PITPNB: variants seen among roughly 807,000 people sequenced by gnomAD.
The protein encoded by PITPNB is phosphatidylinositol transfer protein beta.
A neutral mutation model predicts 45.9 loss-of-function variants in PITPNB; 16 were observed. That is an observed-to-expected ratio of 0.35 (90% CI 0.24 to 0.53). The LOEUF (loss-of-function observed/expected upper bound fraction) is 0.53. Ranked by LOEUF, PITPNB falls within the 20% of genes least tolerant of loss-of-function variation. PITPNB has a pLI of 0.93. For missense variants in PITPNB, 188 were observed against 330.5 expected (o/e 0.57, Z 3.34); for synonymous variants, 112 against 108.9 (o/e 1.03, Z -0.18).
intron 3 of PITPNB, among the ~76,000 whole-genome samples, chr22:27,905,971 GT>G (rs774613370): frequency 3.1e-4 from 47 of 152,234 alleles, no homozygotes; most frequent in Non-Finnish European, 5.1e-4. Context: ...CTACTACTAA[GT>G]TATTATCAAA....
intron 10 of PITPNB, among the ~76,000 whole-genome samples, chr22:27,856,702 A>G (rs200780655): frequency 0.049 from 7,513 of 152,258 alleles, 296 homozygotes; most frequent in South Asian, 0.12. Flanking sequence ...AAATCCTTGT[A>G]GGAAATGCCA....
chr22:27,909,259 G>A (rs1935851166), intron 3 of PITPNB, among the ~76,000 whole-genome samples: 1 of 141,954 alleles, frequency 7.0e-6, no homozygotes, highest in Admixed American at 7.6e-5. Context: ...TGGAGATGAG[G>A]TCCCACTATA....
At chr22:27,854,766 C>G in intron 11 of PITPNB, 88 bp downstream of exon 11, 1 of 643,178 alleles carries the variant, frequency 1.6e-6, no homozygotes, top group Middle Eastern at 2.5e-4. Context: ...CCACATTTAA[C>G]ACTTAGAGCT....
intron 3 of PITPNB, among the ~76,000 whole-genome samples, chr22:27,906,423 A>C (rs922302662): frequency 2.0e-5 from 3 of 152,200 alleles, no homozygotes; most frequent in African/African-American, 7.2e-5. Flanking sequence ...TTTTTCTCTA[A>C]ACTCCCAAGG....
intron 7 of PITPNB, among the ~76,000 whole-genome samples, chr22:27,891,032 A>G (rs1273116314): frequency 6.6e-6 from 1 of 152,278 alleles, no homozygotes; most frequent in East Asian, 1.9e-4. Flanking sequence ...GGCAAATCCC[A>G]AAAGACAGAA....
chr22:27,911,008 A>G lies in PITPNB; in HGVS notation c.153T>C (p.Asp51=), dbSNP rs1241942772. The change falls in exon 3 of 12, where the codon GAT becomes GAC. Residue 51 remains aspartate (D), a synonymous_variant. Transcript: ENST00000335272. ...TGTGCGTATACTGTCCCTTTTCTCC[A>G]TCCTTCTCATAAGGTTCATTCTTTA... ...EVLKNEPYEK[D]GEKGQYTHKI... is the part of the protein sequence containing the mutation. The G allele has an allele frequency of 2.5e-6, 4 of 1,612,332 alleles. No homozygotes were observed. Among genetic ancestry groups the G allele is most frequent in the South Asian group, 2.2e-5 (2 of 91,054 alleles).
chr22:27,878,178 G>A (rs1359692220), intron 7 of PITPNB, among the ~76,000 whole-genome samples: 2 of 152,132 alleles, frequency 1.3e-5, no homozygotes, highest in Non-Finnish European at 2.9e-5. Context: ...TAAAAATAAA[G>A]CCCAGGATGG....
chr22:27,914,269 G>A, intron 2 of PITPNB, 48 bp downstream of exon 2: 2 of 1,202,908 alleles, frequency 1.7e-6, no homozygotes, highest in Non-Finnish European at 2.5e-6. Context: ...ACATATCAAA[G>A]TACAGTACAT....
chr22:27,895,901 A>G (rs1935418336), intron 6 of PITPNB, among the ~76,000 whole-genome samples: 1 of 152,228 alleles, frequency 6.6e-6, no homozygotes, highest in Admixed American at 6.5e-5. Context: ...TGGCCCATCC[A>G]AAGACCACAC....
At chr22:27,873,591 A>G (rs1934732360) in intron 8 of PITPNB, 147 bp downstream of exon 8, 1 of 599,482 alleles carries the variant, frequency 1.7e-6, no homozygotes. Flanking sequence ...GGCCAACTGC[A>G]ACTGGCTGTA....
chr22:27,883,371 G>A (rs1935028573), intron 7 of PITPNB, among the ~76,000 whole-genome samples: 1 of 152,172 alleles, frequency 6.6e-6, no homozygotes, highest in Non-Finnish European at 1.5e-5. Context: ...AAAAATAAAG[G>A]TTGAGGGGAA....
At chr22:27,881,565 T>A (rs898913337) in intron 7 of PITPNB, among the ~76,000 whole-genome samples, 1 of 152,180 alleles carries the variant, frequency 6.6e-6, no homozygotes, top group Admixed American at 6.5e-5. Flanking sequence ...TTGGCAACCA[T>A]AGGCCCGGCT....
chr22:27,891,477 A>G (rs2267124), intron 7 of PITPNB, among the ~76,000 whole-genome samples: 79,745 of 152,016 alleles, frequency 0.52, 21,806 homozygotes, highest in East Asian at 0.66. Context: ...ACTGAACTAC[A>G]CACTGGCTGT....
chr22:27,881,154 T>C (rs1934960116), intron 7 of PITPNB, among the ~76,000 whole-genome samples: 1 of 152,190 alleles, frequency 6.6e-6, no homozygotes, highest in Non-Finnish European at 1.5e-5. Context: ...TATATCTTCT[T>C]TGAAGATGGG....
intron 5 of PITPNB, chr22:27,896,897 G>A (rs546280449): frequency 8.2e-5 from 50 of 612,330 alleles, no homozygotes; most frequent in African/African-American, 2.2e-4. Flanking sequence ...CAAATATGGC[G>A]TTTGAAGGGA....
At chr22:27,917,455 C>CATCTACCCA (rs1936114306) in intron 1 of PITPNB, among the ~76,000 whole-genome samples, 1 of 152,202 alleles carries the variant, frequency 6.6e-6, no homozygotes, top group Non-Finnish European at 1.5e-5. Context: ...GTCTGCCACC[C>CATCTACCCA]ATCTACCCAC....
chr22:27,903,744 C>A (rs573030970), intron 3 of PITPNB, among the ~76,000 whole-genome samples: 132 of 143,566 alleles, frequency 9.2e-4, no homozygotes, highest in African/African-American at 3.2e-3. Flanking sequence ...CAACTGCAGT[C>A]CAGCCTAGAT....
intron 3 of PITPNB, among the ~76,000 whole-genome samples, chr22:27,909,209 T>TG (rs201853649): frequency 0.028 from 3,907 of 140,076 alleles, 91 homozygotes; most frequent in African/African-American, 0.053. Flanking sequence ...TGGTAGTACT[T>TG]TTTTTTTTTT....
intron 8 of PITPNB, among the ~76,000 whole-genome samples, chr22:27,865,617 A>T (rs1934460647): frequency 6.6e-6 from 1 of 152,226 alleles, no homozygotes; most frequent in South Asian, 2.1e-4. Context: ...AAGAAGTTCC[A>T]GCGTCTCTGC....
Sources: allele counts gnomAD v4.1 joint callset (sites outside exome capture counted in the v4.1 genomes callset), GRCh38; gene constraint gnomAD v4.1.1; transcripts MANE v1.5; gene names NCBI Gene and HGNC (gene_info 2026-07-23, HGNC 2026-07-21).